The following CD163L1 variants were observed in gnomAD, a reference collection of about 807,000 sequenced individuals.
CD163L1 encodes the protein scavenger receptor cysteine-rich type 1 protein M160.
In CD163L1, 124 loss-of-function variants were observed where a neutral mutation model predicts 165.4. The ratio of observed to expected loss-of-function variants is 0.75; its 90% confidence interval spans 0.65 to 0.87. CD163L1 has a LOEUF of 0.87. CD163L1 is among the 40% of genes least tolerant of loss of function. CD163L1 has a pLI of 0.00. For synonymous variants in CD163L1, 585 were observed against 662.2 expected (o/e 0.88, Z 1.79); for missense variants, 1,525 against 1,799.9 (o/e 0.85, Z 2.76).
chr12:7,421,865 T>C (rs118016272), intron 4 of CD163L1, among the ~76,000 whole-genome samples: 7 of 151,558 alleles, frequency 4.6e-5, no homozygotes, highest in Admixed American at 1.3e-4. Context: ...TGCAAAGGCA[T>C]AAGAATGATA....
At chr12:7,334,371 C>A in the CD163L1 span, among the ~76,000 whole-genome samples, 1 of 152,158 alleles carries the variant, frequency 6.6e-6, no homozygotes, top group Admixed American at 6.5e-5. Flanking sequence ...AGCATATAAA[C>A]AGAACCAAAG....
rs56678924 is a variant in CD163L1 at position 7,368,529 on chromosome 12, C to CTTT, written c.4073-335_4073-333dup. Among the ~76,000 whole-genome samples the CTTT allele has an allele frequency of 3.5e-4, 48 of 137,226 alleles. No individual in the cohort carries two copies. The highest frequency in any genetic ancestry group is 9.1e-4 in the African/African-American group (34 of 37,478). The allele number at this position is 137,226 out of a possible 152,430, so 90.0% of individuals were successfully genotyped here. ...AGGGCTTGAGCTGAGCTGTTTCTTTCTTTTTTTTTTTTTTTTGAGATGGAG... is the reference window on the plus strand; with the variant it reads ...AGGGCTTGAGCTGAGCTGTTTCTTTCTTTTTTTTTTTTTTTTTTTGAGATGGAG... On this transcript the variant is annotated intron_variant, in intron 16 of 19. Transcript: ENST00000313599. This position sits in a 1 kb window ranked among gnomAD's most constrained non-coding sequence, Gnocchi z 4.3.
intron 4 of CD163L1, among the ~76,000 whole-genome samples, chr12:7,422,918 A>C (rs1332884756): frequency 6.6e-6 from 1 of 151,984 alleles, no homozygotes; most frequent in African/African-American, 2.4e-5. Context: ...TAGAAAGATC[A>C]ACGAGACAGA....
chr12:7,341,021 TG>T, the CD163L1 span, among the ~76,000 whole-genome samples: 1 of 152,338 alleles, frequency 6.6e-6, no homozygotes, highest in East Asian at 1.9e-4. Flanking sequence ...TAATTCTGTA[TG>T]TGTCCAAAGT....
At chr12:7,319,421 C>G in the CD163L1 span, among the ~76,000 whole-genome samples, 1 of 151,898 alleles carries the variant, frequency 6.6e-6, no homozygotes, top group Non-Finnish European at 1.5e-5. Context: ...GAAACCTCGT[C>G]TCTACTAAAA....
downstream of CD163L1, among the ~76,000 whole-genome samples, chr12:7,354,750 CCACTGTA>C (rs1352591416): frequency 6.6e-6 from 1 of 152,084 alleles, no homozygotes; most frequent in African/African-American, 2.4e-5. Flanking sequence ...TGCTGACTTC[CCACTGTA>C]CACTCACATA....
chr12:7,439,151 A>G (rs1323068034), intron 2 of CD163L1: 4 of 1,577,744 alleles, frequency 2.5e-6, no homozygotes, highest in African/African-American at 1.4e-5. Flanking sequence ...GTCGGAATGT[A>G]GCCCTTCATT....
At position 7,432,870 on chromosome 12, in the gene CD163L1, T is replaced by C. The variant is rs1178369822; in HGVS notation, c.446-134A>G. 2 of 718,804 alleles carry C rather than the reference T, an allele frequency of 2.8e-6. No homozygotes were observed. Among genetic ancestry groups the C allele is most frequent in the South Asian group, 5.9e-5 (2 of 33,654 alleles). The allele number at this position is 718,804 out of a possible 1,614,324, so 44.5% of individuals were successfully genotyped here. ...ATTAAAAAAAAATAACTGAAAATAC[T>C]TATAGGAGGGGTATGTGAGGCTTTT... is the stretch of plus-strand genomic sequence containing the variant. On this transcript the variant is annotated intron_variant, in intron 3 of 19. Coordinates refer to ENST00000313599, the MANE Select transcript of CD163L1 (RefSeq NM_174941.6). This position sits in a 1 kb window ranked among gnomAD's most constrained non-coding sequence, Gnocchi z 4.2.
Position 7,441,892 on chromosome 12 carries a change from C to T in CD163L1, c.32-646G>A, listed in dbSNP as rs11053883. On this transcript the variant is annotated intron_variant, in intron 1 of 19. Transcript: ENST00000313599. The stretch of plus-strand genomic sequence containing the variant: ...AGAATCTTGCCACTTCCTCACTTCT[C>T]CCTGTCTTTTCAGTCATGCTCAGTT... Among the ~76,000 whole-genome samples the T allele has an allele frequency of 1.1e-4, 16 of 152,274 alleles. No homozygotes were observed. The East Asian group carries it at 3.1e-3, about 29-fold the overall frequency.
Position 7,361,615 on chromosome 12 carries a change from C to T in CD163L1, c.4280-4129G>A, listed in dbSNP as rs756099559. ...AAAAATAGGAAGATTCCCCGTATTC[C>T]CTGGATTTCCCTTCCCCTGTCCTCT... On this transcript the variant is annotated intron_variant, in intron 18 of 19. Coordinates refer to ENST00000313599, the MANE Select transcript of CD163L1 (RefSeq NM_174941.6). Among the ~76,000 whole-genome samples the T allele has an allele frequency of 2.0e-5, 3 of 152,194 alleles. No individual in the cohort carries two copies. In the South Asian group the frequency reaches 6.2e-4, roughly 32 times the overall value.
intron 5 of CD163L1, among the ~76,000 whole-genome samples, chr12:7,405,245 A>G (rs894104754): frequency 1.4e-4 from 22 of 152,276 alleles, no homozygotes; most frequent in African/African-American, 5.1e-4. Flanking sequence ...TCATTGTAAG[A>G]AAATTTATCA....
chr12:7,409,567 A>G (rs925066283), intron 4 of CD163L1, among the ~76,000 whole-genome samples: 1 of 152,172 alleles, frequency 6.6e-6, no homozygotes, highest in African/African-American at 2.4e-5. Context: ...CTGATCTGAG[A>G]GGAGGTGGAG....
At chr12:7,441,544 A>G (rs1300283478) in intron 1 of CD163L1, among the ~76,000 whole-genome samples, 1 of 152,144 alleles carries the variant, frequency 6.6e-6, no homozygotes, top group Non-Finnish European at 1.5e-5. Flanking sequence ...ATTGATTAGC[A>G]TTTTGGGTTA....
Position 7,375,970 on chromosome 12 carries a change from C to G in CD163L1, c.2416G>C (p.Gly806Arg). ...TCTGCATGTTTCACTTCAACACGTC[C>G]AGAGCAGGGCATATCAGCTCCAACC... ...RLVGADMPCS[G>R]RVEVKHADTW... Residue 806 changes from glycine (G) to arginine (R), a missense_variant, in exon 10 of 20, where the codon GGA becomes CGA. Transcript: ENST00000313599. 1 of 1,614,198 alleles carries G rather than the reference C, an allele frequency of 6.2e-7. No individual in the cohort carries two copies. The highest frequency in any genetic ancestry group is 1.3e-5 in the African/African-American group (1 of 75,070).
rs1280687937 is a variant in CD163L1 at position 7,373,388 on chromosome 12, T to C, written c.3662A>G (p.Gln1221Arg). 8.1e-6 allele frequency: 13 copies of C among 1,614,150 alleles called. No homozygotes were observed. The highest frequency in any genetic ancestry group is 9.3e-6 in the Non-Finnish European group (11 of 1,179,994). The change falls in exon 14 of 20, where the codon CAG becomes CGG. Residue 1221 changes from glutamine (Q) to arginine (R), a missense_variant. Transcript: ENST00000313599. ...QCPKTHISIW[Q>R]CLSAPWERRI... ...TCGCTCCCATGGGGCAGACAGGCAC[T>C]GCCATATGGAGATATGCGTTTTAGG...
intron 4 of CD163L1, among the ~76,000 whole-genome samples, chr12:7,429,507 A>G (rs1948595661): frequency 6.6e-6 from 1 of 152,050 alleles, no homozygotes; most frequent in African/African-American, 2.4e-5. Flanking sequence ...CAAGTCCCTC[A>G]AAAATGTTCC....
At chr12:7,439,960 A>C in intron 2 of CD163L1, 1 of 1,572,318 alleles carries the variant, frequency 6.4e-7, no homozygotes, top group Non-Finnish European at 8.6e-7. Context: ...GGCTGCGGTC[A>C]CACTCGCTCC....
chr12:7,337,939 G>C, the CD163L1 span, among the ~76,000 whole-genome samples: 1 of 152,166 alleles, frequency 6.6e-6, no homozygotes, highest in Non-Finnish European at 1.5e-5. Context: ...TGATAGACTG[G>C]ATAAAGAAAA....
intron 4 of CD163L1, among the ~76,000 whole-genome samples, chr12:7,414,666 A>T (rs1024966490): frequency 9.8e-5 from 15 of 152,288 alleles, no homozygotes; most frequent in Admixed American, 2.0e-4. Context: ...ATAATAAGCA[A>T]ATTGTCAAAA....
Sources: gnomAD v4.1 joint callset for allele counts (sites outside exome capture counted in the v4.1 genomes callset) on GRCh38, gnomAD v4.1.1 for gene constraint, Gnocchi (gnomAD v3.1) non-coding constraint, MANE v1.5 for transcripts, NCBI Gene and HGNC (gene_info 2026-07-23, HGNC 2026-07-21) for gene names.